The following HBP1 variants were observed in gnomAD, a reference collection of about 807,000 sequenced individuals.
HBP1 encodes the protein HMG-box transcription factor 1.
In HBP1, 20 loss-of-function variants were observed where a neutral mutation model predicts 62.6. That is an observed-to-expected ratio of 0.32 (90% CI 0.22 to 0.46). HBP1 has a LOEUF of 0.46. HBP1 is among the 20% of genes least tolerant of loss of function. The pLI is 1.00. For synonymous variants in HBP1, 232 were observed against 206.2 expected (o/e 1.12, Z -1.07); for missense variants, 480 against 611.8 (o/e 0.78, Z 2.27).
At chr7:107,171,181 TGCCTCA>T (rs917782954) in intron 1 of HBP1, among the ~76,000 whole-genome samples, 2 of 149,830 alleles carry the variant, frequency 1.3e-5, no homozygotes, top group Non-Finnish European at 3.0e-5. Flanking sequence ...GCGATTCTCT[TGCCTCA>T]GCCTCCTGAG....
Position 107,185,904 on chromosome 7 carries a change from C to T in HBP1, c.502C>T (p.His168Tyr). 3 of 1,611,886 alleles carry T rather than the reference C, an allele frequency of 1.9e-6. No homozygotes were observed. Among genetic ancestry groups the T allele is most frequent in the Non-Finnish European group, 1.7e-6 (2 of 1,177,940 alleles). Reference protein sequence around the residue: ...SSKSEPAFPHHHWKEETPVRH... With the variant: ...SSKSEPAFPHYHWKEETPVRH... Reference sequence around the variant, plus strand: ...GAAGAGTGAACCAGCCTTCCCTCATCACCATTGGAAGGAGGAAACACCAGT... The same window carrying T: ...GAAGAGTGAACCAGCCTTCCCTCATTACCATTGGAAGGAGGAAACACCAGT... Residue 168 changes from histidine to tyrosine, a missense_variant, in exon 4 of 11, where the codon CAC becomes TAC. Around this residue, in one of 4 missense-constraint regions of HBP1, gnomAD observed 304 missense variants for 330.9 expected, o/e 0.92. Transcript: ENST00000222574.
chr7:107,174,346 C>T (rs2115790238), intron 1 of HBP1: 3 of 477,000 alleles, frequency 6.3e-6, no homozygotes, highest in Non-Finnish European at 8.2e-6. Context: ...GGTGTGAACA[C>T]ATAGAACTTA....
At chr7:107,178,856 A>G (rs1796979111) in intron 1 of HBP1, among the ~76,000 whole-genome samples, 1 of 152,120 alleles carries the variant, frequency 6.6e-6, no homozygotes, top group African/African-American at 2.4e-5. Context: ...AACATGGTGA[A>G]ACCCTGTCTT....
At chr7:107,198,530 AT>A (rs1156269376) in intron 9 of HBP1, among the ~76,000 whole-genome samples, 2 of 152,100 alleles carry the variant, frequency 1.3e-5, no homozygotes, top group Non-Finnish European at 2.9e-5. Context: ...TTTTCTTTGC[AT>A]TTTAGCATTG....
At chr7:107,187,987 G>A (rs761224058) in intron 6 of HBP1, among the ~76,000 whole-genome samples, 41 of 152,116 alleles carry the variant, frequency 2.7e-4, no homozygotes, top group Non-Finnish European at 5.4e-4. Context: ...TCTGGACTTG[G>A]AGTCAGGAAA....
intron 2 of HBP1, among the ~76,000 whole-genome samples, chr7:107,181,962 A>C (rs1358053193): frequency 6.6e-6 from 1 of 152,172 alleles, no homozygotes; most frequent in Non-Finnish European, 1.5e-5. Flanking sequence ...AGTAAAAAGA[A>C]ATACTTTAAC....
chr7:107,169,774 A>T, intron 1 of HBP1: 1 of 985,170 alleles, frequency 1.0e-6, no homozygotes, highest in Non-Finnish European at 1.2e-6. Flanking sequence ...GCCGAGGGGA[A>T]AAACAAGCCC....
chr7:107,198,071 T>A (rs1399123524), intron 9 of HBP1, among the ~76,000 whole-genome samples: 1 of 152,212 alleles, frequency 6.6e-6, no homozygotes, highest in Non-Finnish European at 1.5e-5. Context: ...CTGGGATGCA[T>A]TCTGTATTTA....
Position 107,196,168 on chromosome 7 carries a change from T to C in HBP1, c.1385+17T>C, listed in dbSNP as rs1797887143. 1 of 1,366,956 alleles carries C rather than the reference T, an allele frequency of 7.3e-7. No individual in the cohort carries two copies. Among genetic ancestry groups the C allele is most frequent in the African/African-American group, 1.4e-5 (1 of 70,194 alleles). 84.7% of individuals were successfully genotyped at this position (1,366,956 alleles called of 1,614,324 possible). On this transcript the variant is annotated intron_variant, in intron 9 of 10. Coordinates refer to ENST00000222574, the MANE Select transcript of HBP1 (RefSeq NM_012257.4). Reference sequence around the variant, plus strand: ...AGATAACAGGTAAAAATAGTGATAATTCTGATTACAATAAATGAGTAACAC... The same window carrying C: ...AGATAACAGGTAAAAATAGTGATAACTCTGATTACAATAAATGAGTAACAC...
At position 107,169,153 on chromosome 7, in the gene HBP1, G is replaced by T. The variant is rs934333040; in HGVS notation, c.-48G>T. The T allele has an allele frequency of 1.2e-5, 14 of 1,169,104 alleles. No individual in the cohort carries two copies. The Middle Eastern group carries it at 2.5e-3, about 212-fold the overall frequency. 72.4% of individuals were successfully genotyped at this position (1,169,104 alleles called of 1,614,324 possible). ...TGGTGGTGTTGTCGTGGCCGGAGCG[G>T]CCCGCGCCTGGGCTGCCGGCACTTC... On this transcript the variant is annotated 5_prime_UTR_variant, in exon 1 of 11. Coordinates refer to ENST00000222574, the MANE Select transcript of HBP1 (RefSeq NM_012257.4).
chr7:107,184,435 A>G (rs1797253474), intron 3 of HBP1, among the ~76,000 whole-genome samples: 1 of 152,244 alleles, frequency 6.6e-6, no homozygotes, highest in African/African-American at 2.4e-5. Context: ...GTTAATGAGG[A>G]TAAGGTAGAA....
chr7:107,191,937 A>G (rs944582202), intron 8 of HBP1, among the ~76,000 whole-genome samples: 2 of 152,180 alleles, frequency 1.3e-5, no homozygotes, highest in African/African-American at 4.8e-5. Context: ...TGGCAAAAAA[A>G]TACTAATACA....
chr7:107,175,300 T>C (rs1796780220), intron 1 of HBP1, among the ~76,000 whole-genome samples: 1 of 152,152 alleles, frequency 6.6e-6, no homozygotes, highest in Non-Finnish European at 1.5e-5. Flanking sequence ...TGTTAGGCTC[T>C]ATTCTGAGCA....
chr7:107,187,676 C>A (rs576290941), intron 6 of HBP1, among the ~76,000 whole-genome samples: 1 of 152,180 alleles, frequency 6.6e-6, no homozygotes, highest in Non-Finnish European at 1.5e-5. Flanking sequence ...TAACTTTGGC[C>A]TCTACTACTC....
Position 107,186,152 on chromosome 7 carries a change from TTTTC to T in HBP1, c.541-205_541-202del, listed in dbSNP as rs1184772380. Among the ~76,000 whole-genome samples the T allele has an allele frequency of 2.1e-4, 30 of 144,004 alleles. No individual in the cohort carries two copies. The East Asian group carries it at 5.9e-3, about 28-fold the overall frequency. The allele number at this position is 144,004 out of a possible 152,430, so 94.5% of individuals were successfully genotyped here. ...AAACTTTGTTTTGTGTGTGTCTTTT[TTTTC>T]TTTTTTTTTCTTTTTTTTTTTTTTT... On this transcript the variant is annotated intron_variant, in intron 4 of 10. Coordinates refer to ENST00000222574, the MANE Select transcript of HBP1 (RefSeq NM_012257.4).
intron 1 of HBP1, among the ~76,000 whole-genome samples, chr7:107,178,000 TAGAA>T (rs751787117): frequency 3.3e-4 from 50 of 152,262 alleles, no homozygotes; most frequent in Admixed American, 2.6e-4. Flanking sequence ...CATCATGACT[TAGAA>T]AGCTTATAAA....
intron 7 of HBP1, 169 bp from the exon 8 acceptor site, chr7:107,189,999 TGAAAG>T (rs1445472970): frequency 4.1e-6 from 2 of 489,172 alleles, no homozygotes; most frequent in African/African-American, 2.0e-5. Flanking sequence ...TTTACATTGC[TGAAAG>T]GAAATACTTA....
intron 9 of HBP1, 21 bp downstream of exon 9, chr7:107,196,172 G>T (rs1257105352): frequency 6.0e-6 from 8 of 1,337,220 alleles, no homozygotes; most frequent in Non-Finnish European, 8.6e-6. Flanking sequence ...TGATAATTCT[G>T]ATTACAATAA....
intron 3 of HBP1, among the ~76,000 whole-genome samples, chr7:107,183,143 T>C (rs1344787680): frequency 6.6e-6 from 1 of 152,214 alleles, no homozygotes; most frequent in African/African-American, 2.4e-5. Flanking sequence ...GTGGTTGTGC[T>C]ATGAAATTAC....
Sources: allele counts gnomAD v4.1 joint callset (sites outside exome capture counted in the v4.1 genomes callset), GRCh38; gene constraint gnomAD v4.1.1; regional missense constraint gnomAD v4.1.1; transcripts MANE v1.5; gene names NCBI Gene and HGNC (gene_info 2026-07-23, HGNC 2026-07-21).